SP140L: variants seen among roughly 807,000 people sequenced by gnomAD.
SP140L encodes the protein SP140 like nuclear body protein, also known as nuclear body protein SP140-like protein.
A neutral mutation model predicts 84.3 loss-of-function variants in SP140L; 64 were observed. That is an observed-to-expected ratio of 0.76 (90% CI 0.62 to 0.94). SP140L has a LOEUF of 0.94. Among genes scored for constraint, SP140L ranks in the 40% least tolerant of loss-of-function variants. The pLI is 0.00. For synonymous variants in SP140L, 242 were observed against 236.9 expected, an observed-to-expected ratio of 1.02 and a Z score of -0.20; for missense variants, 628 against 692.5, an observed-to-expected ratio of 0.91 and a Z score of 1.05.
intron 2 of SP140L, among the ~76,000 whole-genome samples, chr2:230,331,591 G>T (rs2059725835): frequency 6.6e-6 from 1 of 152,180 alleles, no homozygotes; most frequent in South Asian, 2.1e-4. Context: ...AATCTAACAA[G>T]AATTTACATT....
chr2:230,371,074 T>A, intron 6 of SP140L, 107 bp downstream of exon 6: 8 of 953,804 alleles, frequency 8.4e-6, no homozygotes, highest in Non-Finnish European at 1.3e-5. Flanking sequence ...GTTCTGTGCA[T>A]TTGCCTCACC....
At chr2:230,376,222 A>C (rs553199822) in intron 7 of SP140L, among the ~76,000 whole-genome samples, 82 of 152,254 alleles carry the variant, frequency 5.4e-4, no homozygotes, top group South Asian at 4.1e-3. Flanking sequence ...CCTTCTTGAC[A>C]TTTGTATTTA....
At chr2:230,367,610 A>C (rs1464924904) in intron 5 of SP140L, among the ~76,000 whole-genome samples, 5 of 152,142 alleles carry the variant, frequency 3.3e-5, no homozygotes, top group Non-Finnish European at 7.4e-5. Context: ...TAAATTTTTT[A>C]TATCACAATT....
intron 5 of SP140L, among the ~76,000 whole-genome samples, chr2:230,370,225 G>A (rs975110947): frequency 6.6e-6 from 1 of 152,226 alleles, no homozygotes; most frequent in African/African-American, 2.4e-5. Flanking sequence ...GCTGTTATGT[G>A]TCAGGCGTGA....
chr2:230,371,233 A>G (rs2061058635), intron 6 of SP140L, among the ~76,000 whole-genome samples: 1 of 152,176 alleles, frequency 6.6e-6, no homozygotes, highest in South Asian at 2.1e-4. Flanking sequence ...TAATATGTTA[A>G]GTCACACTCA....
chr2:230,369,847 C>T (rs2060997642), intron 5 of SP140L, among the ~76,000 whole-genome samples: 1 of 152,246 alleles, frequency 6.6e-6, no homozygotes, highest in African/African-American at 2.4e-5. Flanking sequence ...TTGGCTCACT[C>T]ACTGCAGCCT....
At chr2:230,391,560 CA>C (rs1438035795) in intron 11 of SP140L, among the ~76,000 whole-genome samples, 2 of 152,188 alleles carry the variant, frequency 1.3e-5, no homozygotes, top group Admixed American at 6.5e-5. Flanking sequence ...CATGATTGCA[CA>C]GATGAGAAAA....
chr2:230,394,119 G>A (rs2061945294), intron 13 of SP140L, among the ~76,000 whole-genome samples: 1 of 152,190 alleles, frequency 6.6e-6, no homozygotes, highest in East Asian at 1.9e-4. Flanking sequence ...TACAGGAGGA[G>A]CTGACCAGGA....
chr2:230,364,869 A>G (rs569093704), intron 5 of SP140L, among the ~76,000 whole-genome samples: 79 of 152,258 alleles, frequency 5.2e-4, no homozygotes, highest in African/African-American at 1.7e-3. Flanking sequence ...ATTTTGTCCA[A>G]TGCTTTTTCT....
intron 5 of SP140L, 140 bp from the exon 6 acceptor site, chr2:230,370,768 T>C (rs2061038615): frequency 4.5e-6 from 3 of 669,468 alleles, no homozygotes; most frequent in Admixed American, 5.2e-5. Flanking sequence ...GAGGAAAAAG[T>C]AGAGAAGAGG....
chr2:230,327,266 G>A lies in SP140L; in HGVS notation c.-4G>A, dbSNP rs2059603885. 2 of 1,611,020 alleles carry A rather than the reference G, an allele frequency of 1.2e-6. No individual in the cohort carries two copies. Among genetic ancestry groups the A allele is most frequent in the Non-Finnish European group, 1.7e-6 (2 of 1,178,646 alleles). ...GACACCCAGGCAGGGCCTAGGGTGG[G>A]ACGATGGCAGGTGGGGGCAGCGACC... On this transcript the variant is annotated 5_prime_UTR_variant, in exon 1 of 19. Transcript: ENST00000415673.
At chr2:230,361,796 G>A in intron 5 of SP140L, 99 bp downstream of exon 5, 1 of 855,898 alleles carries the variant, frequency 1.2e-6, no homozygotes, top group Non-Finnish European at 1.9e-6. Context: ...TGTGAAACAG[G>A]GAAGACACAG....
At position 230,359,947 on chromosome 2, in the gene SP140L, C is replaced by T. The variant is rs566924643; in HGVS notation, c.439+815C>T. On this transcript the variant is annotated intron_variant, in intron 4 of 18. Transcript: ENST00000415673. ...ATTAAAGTTTGGTATTGGTGCTATA[C>T]CAAACTAAAGTTTGGTATTGGTGCT... 2.4e-4 allele frequency among the ~76,000 whole-genome samples: 32 copies of T among 131,874 alleles called. 2 individuals carry two copies. In the South Asian group the frequency reaches 7.0e-3, roughly 29 times the overall value. The allele number at this position is 131,874 out of a possible 152,430, so 86.5% of individuals were successfully genotyped here.
intron 10 of SP140L, among the ~76,000 whole-genome samples, chr2:230,389,188 C>T (rs960558587): frequency 3.9e-5 from 6 of 152,148 alleles, no homozygotes; most frequent in African/African-American, 4.8e-5. Flanking sequence ...TTTTCAAAAC[C>T]AGTCTCAGGA....
At chr2:230,328,873 A>G (rs2059651027) in intron 2 of SP140L, 42 bp downstream of exon 2, 2 of 1,588,156 alleles carry the variant, frequency 1.3e-6, no homozygotes, top group Non-Finnish European at 1.7e-6. Context: ...TATTTTCCTG[A>G]TAATGTGGAA....
chr2:230,347,811 G>A (rs2149708214), intron 2 of SP140L, among the ~76,000 whole-genome samples: 1 of 152,312 alleles, frequency 6.6e-6, no homozygotes, highest in Middle Eastern at 3.4e-3. Flanking sequence ...TAGAATTGCT[G>A]ACTATGCTCC....
intron 5 of SP140L, among the ~76,000 whole-genome samples, chr2:230,362,426 ATGT>A (rs2060747003): frequency 6.6e-6 from 1 of 152,104 alleles, no homozygotes; most frequent in Admixed American, 6.5e-5. Flanking sequence ...AAATGTGGGG[ATGT>A]TGTTCAAGAG....
In SP140L at chr2:230,343,178, A is replaced by G. The variant is rs1441920917; in HGVS notation, c.107+14347A>G. ...ATGTGCCATGGTGTTTGTTGCACAG[A>G]TCATCCTAGGTATTAAGCCCAACAT... On this transcript the variant is annotated intron_variant, in intron 2 of 18. Coordinates refer to ENST00000415673, the MANE Select transcript of SP140L (RefSeq NM_138402.6). Among the ~76,000 whole-genome samples, 8 of 119,814 alleles carry G rather than the reference A, an allele frequency of 6.7e-5. 1 individual carries two copies. Among genetic ancestry groups the G allele is most frequent in the African/African-American group, 2.4e-4 (8 of 32,662 alleles). 78.6% of individuals were successfully genotyped at this position (119,814 alleles called of 152,430 possible).
chr2:230,341,863 C>T (rs2060054128), intron 2 of SP140L, among the ~76,000 whole-genome samples: 1 of 151,998 alleles, frequency 6.6e-6, no homozygotes, highest in South Asian at 2.1e-4. Context: ...AGATCTCCAG[C>T]TGCGTGCTGG....
Sources: allele counts gnomAD v4.1 joint callset (sites outside exome capture counted in the v4.1 genomes callset), GRCh38; gene constraint gnomAD v4.1.1; transcripts MANE v1.5; gene names NCBI Gene and HGNC (gene_info 2026-07-23, HGNC 2026-07-21).